Variants in ATP1B3 observed in about 807,000 individuals in gnomAD.
ATP1B3 encodes the protein sodium/potassium-transporting ATPase subunit beta-3.
In ATP1B3, 10 loss-of-function variants were observed where a neutral mutation model predicts 30.2. That is an observed-to-expected ratio of 0.33 (90% CI 0.20 to 0.56). The LOEUF is 0.56. Among genes scored for constraint, ATP1B3 ranks in the 20% least tolerant of loss-of-function variants. The pLI is 0.90. For synonymous variants in ATP1B3, 113 were observed against 117.0 expected (o/e 0.97, Z 0.22); for missense variants, 238 against 336.7 (o/e 0.71, Z 2.29).
intron 2 of ATP1B3, 55 bp downstream of exon 2, chr3:141,903,803 CAG>C (rs1934212914): frequency 4.5e-6 from 7 of 1,571,986 alleles, no homozygotes; most frequent in African/African-American, 2.7e-5. Context: ...TTTTTTGAGA[CAG>C]AGTTTCACTC....
rs772886807 is a variant in ATP1B3 at position 141,876,784 on chromosome 3, G to T, written c.-18G>T. 4 of 1,582,678 alleles carry T rather than the reference G, an allele frequency of 2.5e-6. No homozygotes were observed. In the South Asian group the frequency reaches 4.5e-5, roughly 18 times the overall value. ...CATCCCCGCGGCCGCAGCTCCTCTC[G>T]CCGTCCGCGCGCACACCATGACGAA... On this transcript the variant is annotated 5_prime_UTR_variant, in exon 1 of 7. Transcript: ENST00000286371.
Position 141,919,593 on chromosome 3 carries a change from G to A in ATP1B3, c.583-2384G>A, listed in dbSNP as rs117192540. On this transcript the variant is annotated intron_variant, in intron 5 of 6. Coordinates refer to ENST00000286371, the MANE Select transcript of ATP1B3 (RefSeq NM_001679.4). Reference sequence around the variant, plus strand: ...TTTTTAAACTCCATTTTGTTTCAGTGGAACTTAGTGACCATCAGTAGGTTC... The same window carrying A: ...TTTTTAAACTCCATTTTGTTTCAGTAGAACTTAGTGACCATCAGTAGGTTC... 7.2e-5 allele frequency among the ~76,000 whole-genome samples: 11 copies of A among 152,232 alleles called. No individual in the cohort carries two copies. The East Asian group carries it at 2.1e-3, about 29-fold the overall frequency.
chr3:141,913,335 TC>T (rs1934398141), intron 3 of ATP1B3, among the ~76,000 whole-genome samples: 1 of 152,112 alleles, frequency 6.6e-6, no homozygotes, highest in Admixed American at 6.6e-5. Context: ...CCTTTTTACA[TC>T]CTCTCCATTG....
chr3:141,911,643 C>G (rs1008604700), intron 3 of ATP1B3, among the ~76,000 whole-genome samples: 1 of 151,996 alleles, frequency 6.6e-6, no homozygotes, highest in Non-Finnish European at 1.5e-5. Flanking sequence ...TACAGGCTTG[C>G]GCCACCACAC....
intron 3 of ATP1B3, among the ~76,000 whole-genome samples, chr3:141,910,476 T>G (rs572872065): frequency 6.6e-6 from 1 of 152,288 alleles, no homozygotes; most frequent in East Asian, 1.9e-4. Flanking sequence ...CTTCCCTCCT[T>G]TCTCAACTCA....
intron 2 of ATP1B3, among the ~76,000 whole-genome samples, 155 bp from the exon 3 acceptor site, chr3:141,907,012 A>T (rs947030070): frequency 6.6e-6 from 1 of 152,212 alleles, no homozygotes; most frequent in African/African-American, 2.4e-5. Context: ...TTAGATGTCT[A>T]TGCCTTCATA....
At chr3:141,887,196 A>G (rs1001263707) in intron 1 of ATP1B3, among the ~76,000 whole-genome samples, 1 of 152,172 alleles carries the variant, frequency 6.6e-6, no homozygotes, top group Non-Finnish European at 1.5e-5. Context: ...AATTGGCCAT[A>G]GAACTAACGG....
intron 1 of ATP1B3, among the ~76,000 whole-genome samples, chr3:141,891,891 CT>C (rs72396246): frequency 1.6e-3 from 186 of 117,776 alleles, no homozygotes; most frequent in East Asian, 5.7e-3. Context: ...AATGTGGCCT[CT>C]TTTTTTTTTT....
intron 3 of ATP1B3, among the ~76,000 whole-genome samples, chr3:141,912,086 T>G (rs1292165125): frequency 6.6e-6 from 1 of 152,116 alleles, no homozygotes; most frequent in Non-Finnish European, 1.5e-5. Context: ...TGTTATAAAG[T>G]TTATCTCTAC....
At chr3:141,877,167 T>A (rs902052688) in intron 1 of ATP1B3, among the ~76,000 whole-genome samples, 8 of 150,896 alleles carry the variant, frequency 5.3e-5, no homozygotes, top group African/African-American at 1.9e-4. Context: ...CCCTCCCTGC[T>A]GGGAGCGGGG....
At chr3:141,893,288 C>T (rs1407670540) in intron 1 of ATP1B3, among the ~76,000 whole-genome samples, 2 of 152,152 alleles carry the variant, frequency 1.3e-5, no homozygotes, top group East Asian at 1.9e-4. Context: ...AGATTACAGA[C>T]GTGAGCCACC....
intron 1 of ATP1B3, among the ~76,000 whole-genome samples, chr3:141,902,548 C>A (rs1040782267): frequency 6.6e-6 from 1 of 152,196 alleles, no homozygotes. Context: ...GCAGCCACTT[C>A]TGATGTTAGA....
At position 141,925,699 on chromosome 3, in the gene ATP1B3, T is replaced by A; in HGVS notation, c.838T>A (p.Ter280LysextTer3). 1 of 1,609,872 alleles carries A rather than the reference T, an allele frequency of 6.2e-7. No individual in the cohort carries two copies. Among genetic ancestry groups the A allele is most frequent in the Non-Finnish European group, 8.5e-7 (1 of 1,178,754 alleles). ...TATGTTCAAAATCACAGCACGTGCA[T>A]AGTATGAGTAGGATATCTCCACAGA... ...RVMFKITARA[*>K] Residue 280 changes from the stop codon to lysine (K), a stop_lost, in exon 7 of 7, where the codon TAG becomes AAG. Transcript: ENST00000286371.
At position 141,925,712 on chromosome 3, in the gene ATP1B3, A is replaced by G. The variant is rs201624810; in HGVS notation, c.*11A>G. ...ACAGCACGTGCATAGTATGAGTAGG[A>G]TATCTCCACAGAGTAAATGTTGTGT... On this transcript the variant is annotated 3_prime_UTR_variant, in exon 7 of 7. Transcript: ENST00000286371. 24 of 1,606,060 alleles carry G rather than the reference A, an allele frequency of 1.5e-5. No homozygotes were observed. The highest frequency in any genetic ancestry group is 1.9e-5 in the Non-Finnish European group (22 of 1,177,122).
At chr3:141,883,535 CAAAAT>C (rs895758767) in intron 1 of ATP1B3, among the ~76,000 whole-genome samples, 5 of 152,104 alleles carry the variant, frequency 3.3e-5, no homozygotes, top group African/African-American at 1.2e-4. Context: ...TAAGACTCAA[CAAAAT>C]AAAATAAAAC....
intron 5 of ATP1B3, among the ~76,000 whole-genome samples, chr3:141,921,224 G>A (rs1169260814): frequency 6.6e-6 from 1 of 152,032 alleles, no homozygotes; most frequent in Non-Finnish European, 1.5e-5. Context: ...CATTTAGAAA[G>A]TGTTACATGT....
rs777792091 is a variant in ATP1B3 at position 141,907,196 on chromosome 3, G to A, written c.268G>A (p.Ala90Thr). Residue 90 changes from alanine to threonine, a missense_variant, in exon 3 of 7, where the codon GCA becomes ACA. By Grantham distance (58) the Ala-to-Thr change is moderately conservative. Transcript: ENST00000286371. ...CATGGTTTTTCCAAAACCAGTGACC[G>A]CATTGGAATATACATTCAGTAGGTC... ...GLMVFPKPVT[A>T]LEYTFSRSDP... 5.6e-6 allele frequency: 9 copies of A among 1,609,862 alleles called. No individual in the cohort carries two copies. The highest frequency in any genetic ancestry group is 7.6e-6 in the Non-Finnish European group (9 of 1,178,276).
chr3:141,876,795 G>A lies in ATP1B3; in HGVS notation c.-7G>A. 2.5e-6 allele frequency: 4 copies of A among 1,586,870 alleles called. No individual in the cohort carries two copies. Among genetic ancestry groups the A allele is most frequent in the African/African-American group, 2.8e-5 (2 of 72,168 alleles). On this transcript the variant is annotated 5_prime_UTR_variant, in exon 1 of 7. Transcript: ENST00000286371. ...CCGCAGCTCCTCTCGCCGTCCGCGC[G>A]CACACCATGACGAAGAACGAGAAGA...
chr3:141,903,597 A>G (rs948120244), intron 1 of ATP1B3, 23 bp from the exon 2 acceptor site: 4 of 1,612,396 alleles, frequency 2.5e-6, no homozygotes, highest in South Asian at 2.2e-5. Context: ...TGCACATTTC[A>G]TAAGTTTTAT....
Sources: allele counts gnomAD v4.1 joint callset (sites outside exome capture counted in the v4.1 genomes callset), GRCh38; gene constraint gnomAD v4.1.1; transcripts MANE v1.5; gene names NCBI Gene and HGNC (gene_info 2026-07-23, HGNC 2026-07-21).